Variants in IMMP2L observed in about 807,000 individuals in gnomAD.
The protein encoded by IMMP2L is mitochondrial inner membrane protease subunit 2.
A neutral mutation model predicts 19.3 loss-of-function variants in IMMP2L; 18 were observed. The ratio of observed to expected loss-of-function variants is 0.93; its 90% CI spans 0.64 to 1.38. The LOEUF is 1.38. IMMP2L is among the 40% of genes most tolerant of loss of function. IMMP2L has a pLI of 0.00. For missense variants in IMMP2L, 233 were observed against 218.2 expected (o/e 1.07, Z -0.43); for synonymous variants, 76 against 73.0 (o/e 1.04, Z -0.21).
At chr7:111,094,614 T>C (rs1360420870) in intron 3 of IMMP2L, among the ~76,000 whole-genome samples, 1 of 152,166 alleles carries the variant, frequency 6.6e-6, no homozygotes, top group East Asian at 1.9e-4. Flanking sequence ...TAAAGCTCTC[T>C]GATATTGGCT....
rs34662250 is a variant in IMMP2L, at chr7:111,122,874, G to A, written c.240-159309C>T. On this transcript the variant is annotated intron_variant, in intron 3 of 5. Coordinates refer to ENST00000405709, the MANE Select transcript of IMMP2L (RefSeq NM_032549.4). ...AAGTGGATTGTCCACGGTTATGTAC[G>A]TGTGAAATCAGGCCTTGGTTTACAC... is the stretch of plus-strand genomic sequence containing the variant. 1,241 of 1,613,902 alleles carry A rather than the reference G, an allele frequency of 7.7e-4. 10 individuals carry two copies. In the African/African-American group the frequency reaches 0.015, roughly 19 times the overall value.
chr7:110,974,354 G>A (rs1820472769), intron 3 of IMMP2L, among the ~76,000 whole-genome samples: 1 of 152,080 alleles, frequency 6.6e-6, no homozygotes, highest in African/African-American at 2.4e-5. Context: ...ATTAGAGTGG[G>A]TTTGTAGGCA....
intron 3 of IMMP2L, among the ~76,000 whole-genome samples, chr7:111,330,867 C>A (rs1332792751): frequency 2.6e-5 from 4 of 151,718 alleles, no homozygotes. Context: ...AAATTAAAGA[C>A]CACAATGAGA....
At chr7:111,490,557 C>T (rs1239725495) in intron 2 of IMMP2L, among the ~76,000 whole-genome samples, 1 of 151,968 alleles carries the variant, frequency 6.6e-6, no homozygotes, top group East Asian at 1.9e-4. Context: ...ACTTCTGGCA[C>T]GTTTTCTTTC....
chr7:110,767,176 G>A (rs1798722893), intron 5 of IMMP2L, among the ~76,000 whole-genome samples: 1 of 151,944 alleles, frequency 6.6e-6, no homozygotes, highest in South Asian at 2.1e-4. Flanking sequence ...TATTGTTGTT[G>A]CTTATGAGTT....
chr7:111,184,225 G>C (rs141622332), intron 3 of IMMP2L, among the ~76,000 whole-genome samples: 39 of 151,990 alleles, frequency 2.6e-4, no homozygotes, highest in African/African-American at 9.4e-4. Context: ...GAATCAAAGA[G>C]AAATAGGGGG....
At chr7:110,940,520 T>G (rs1388337706) in intron 4 of IMMP2L, among the ~76,000 whole-genome samples, 2 of 152,102 alleles carry the variant, frequency 1.3e-5, no homozygotes, top group East Asian at 3.9e-4. Flanking sequence ...GTTTATAGAT[T>G]TCCAATAAGC....
chr7:110,683,010 TA>T (rs1339542629), intron 5 of IMMP2L, among the ~76,000 whole-genome samples: 4 of 152,156 alleles, frequency 2.6e-5, no homozygotes, highest in Admixed American at 2.6e-4. Flanking sequence ...GCTCTGCTTA[TA>T]AAAAGGGGGC....
intron 3 of IMMP2L, among the ~76,000 whole-genome samples, chr7:111,290,810 CTA>C (rs34013550): frequency 0.54 from 80,899 of 149,142 alleles, 22,205 homozygotes; most frequent in South Asian, 0.7. Flanking sequence ...CTCTCTCTCA[CTA>C]TATATATATA....
intron 3 of IMMP2L, among the ~76,000 whole-genome samples, chr7:111,448,172 A>G (rs1453299907): frequency 7.7e-6 from 1 of 130,580 alleles, no homozygotes; most frequent in South Asian, 2.3e-4. Context: ...CAACAAGGAT[A>G]CCCAGGAATT....
intron 1 of IMMP2L, among the ~76,000 whole-genome samples, chr7:111,528,443 G>A (rs1211345304): frequency 6.6e-6 from 1 of 152,164 alleles, no homozygotes; most frequent in African/African-American, 2.4e-5. Flanking sequence ...CCAGTTCATT[G>A]TTGAAGTGCT....
intron 5 of IMMP2L, among the ~76,000 whole-genome samples, chr7:110,876,529 C>A (rs1373885005): frequency 6.6e-6 from 1 of 152,008 alleles, no homozygotes; most frequent in Non-Finnish European, 1.5e-5. Context: ...AAGGTTTGAC[C>A]CACCAGAGAT....
chr7:110,846,079 C>G (rs1442194168), intron 5 of IMMP2L, among the ~76,000 whole-genome samples: 1 of 152,160 alleles, frequency 6.6e-6, no homozygotes, highest in Non-Finnish European at 1.5e-5. Context: ...GACTGAGACA[C>G]ACATTGTTCT....
intron 3 of IMMP2L, among the ~76,000 whole-genome samples, chr7:111,077,275 C>T (rs1472600152): frequency 6.6e-6 from 1 of 152,138 alleles, no homozygotes; most frequent in African/African-American, 2.4e-5. Flanking sequence ...TTTTGTTTTA[C>T]ATGGTTAAGC....
intron 3 of IMMP2L, among the ~76,000 whole-genome samples, chr7:110,998,854 T>C (rs560278115): frequency 5.9e-5 from 9 of 152,246 alleles, no homozygotes; most frequent in Non-Finnish European, 8.8e-5. Flanking sequence ...GGAGAGGATA[T>C]AGGATCACAG....
At chr7:110,946,088 C>T (rs1236631387) in intron 4 of IMMP2L, among the ~76,000 whole-genome samples, 1 of 152,180 alleles carries the variant, frequency 6.6e-6, no homozygotes, top group African/African-American at 2.4e-5. Flanking sequence ...AATACGAAAA[C>T]AGGTTCTCAA....
chr7:110,839,188 AC>A (rs556090497), intron 5 of IMMP2L, among the ~76,000 whole-genome samples: 228 of 152,246 alleles, frequency 1.5e-3, no homozygotes, highest in African/African-American at 5.3e-3. Context: ...TGAAGGACAG[AC>A]CTTGGAATAT....
intron 1 of IMMP2L, among the ~76,000 whole-genome samples, chr7:111,533,198 A>C (rs1847564209): frequency 6.6e-6 from 1 of 152,212 alleles, no homozygotes; most frequent in Non-Finnish European, 1.5e-5. Flanking sequence ...TGTCTGTTGC[A>C]CAAAAAGTCC....
chr7:111,420,540 A>T (rs1276118826), intron 3 of IMMP2L, among the ~76,000 whole-genome samples: 1 of 151,260 alleles, frequency 6.6e-6, no homozygotes, highest in Admixed American at 6.6e-5. Flanking sequence ...ATTTCTCCTA[A>T]CGCTATCCCT....
Sources: allele counts gnomAD v4.1 joint callset (sites outside exome capture counted in the v4.1 genomes callset), GRCh38; gene constraint gnomAD v4.1.1; transcripts MANE v1.5; gene names NCBI Gene and HGNC (gene_info 2026-07-23, HGNC 2026-07-21).